NTN1: variants seen among roughly 807,000 people sequenced by gnomAD.
NTN1 encodes netrin 1.
In NTN1, 11 loss-of-function variants were observed where a neutral mutation model predicts 54.2. The ratio of observed to expected loss-of-function variants is 0.20; its 90% CI spans 0.13 to 0.34. The LOEUF (loss-of-function observed/expected upper bound fraction) is 0.34, where lower values mean the gene tolerates loss of function less well. NTN1 is among the 10% of genes least tolerant of loss of function. The pLI is 1.00. For synonymous variants in NTN1, 371 were observed against 382.0 expected (o/e 0.97, Z 0.33); for missense variants, 740 against 893.1 (o/e 0.83, Z 2.18).
chr17:9,026,438 G>T (rs942336329), intron 2 of NTN1, among the ~76,000 whole-genome samples: 3 of 151,526 alleles, frequency 2.0e-5, no homozygotes, highest in Admixed American at 2.0e-4. Flanking sequence ...AAGACAAGAC[G>T]ATGTATAATG....
At chr17:9,193,612 T>C (rs993678102) in intron 5 of NTN1, among the ~76,000 whole-genome samples, 9 of 152,200 alleles carry the variant, frequency 5.9e-5, no homozygotes, top group African/African-American at 2.2e-4. Flanking sequence ...GCTGTTTTGC[T>C]CGCTGGTTTA....
intron 2 of NTN1, among the ~76,000 whole-genome samples, chr17:9,075,835 AC>A (rs2092047623): frequency 6.6e-6 from 1 of 151,854 alleles, no homozygotes; most frequent in African/African-American, 2.4e-5. Flanking sequence ...GGGGGAAAAT[AC>A]CCCGCCTGGA....
At chr17:9,230,010 C>T (rs1363202230) in intron 6 of NTN1, among the ~76,000 whole-genome samples, 1 of 152,036 alleles carries the variant, frequency 6.6e-6, no homozygotes, top group Non-Finnish European at 1.5e-5. Context: ...ACCACTCCCG[C>T]CTCTTGTCTC....
intron 5 of NTN1, among the ~76,000 whole-genome samples, chr17:9,208,345 G>A (rs535139157): frequency 9.8e-5 from 15 of 152,332 alleles, no homozygotes; most frequent in Non-Finnish European, 2.1e-4. Context: ...GCCTGTGTTT[G>A]TGGGTTCGTT....
intron 3 of NTN1, among the ~76,000 whole-genome samples, chr17:9,168,489 G>A (rs995565653): frequency 4.0e-5 from 6 of 151,564 alleles, no homozygotes; most frequent in East Asian, 1.9e-4. Context: ...CCGAGATTGC[G>A]CCATTGCACT....
At chr17:9,034,259 G>A (rs1273954504) in intron 2 of NTN1, among the ~76,000 whole-genome samples, 3 of 152,128 alleles carry the variant, frequency 2.0e-5, no homozygotes, top group African/African-American at 7.2e-5. Flanking sequence ...GAGGGGTACA[G>A]GAAGGAGACC....
intron 2 of NTN1, among the ~76,000 whole-genome samples, chr17:9,123,963 GT>G (rs553519075): frequency 6.6e-6 from 1 of 151,946 alleles, no homozygotes; most frequent in Non-Finnish European, 1.5e-5. Flanking sequence ...TAAGTCACCT[GT>G]TTTTTTTAGA....
intron 5 of NTN1, among the ~76,000 whole-genome samples, chr17:9,218,303 C>T (rs961166358): frequency 6.6e-6 from 1 of 152,166 alleles, no homozygotes; most frequent in African/African-American, 2.4e-5. Flanking sequence ...GTCTCTGTGC[C>T]TTAGATTCTC....
intron 2 of NTN1, among the ~76,000 whole-genome samples, chr17:9,122,702 C>G (rs1329088581): frequency 6.6e-6 from 1 of 152,188 alleles, no homozygotes; most frequent in East Asian, 1.9e-4. Flanking sequence ...GAAGAAAACG[C>G]AAGTAACAGT....
intron 5 of NTN1, among the ~76,000 whole-genome samples, chr17:9,204,274 CTCTT>C (rs751429019): frequency 2.1e-5 from 3 of 140,396 alleles, no homozygotes; most frequent in Non-Finnish European, 4.7e-5. Flanking sequence ...CCTTCTCTCT[CTCTT>C]TCTCTATCTC....
At chr17:9,036,223 A>G (rs1010515901) in intron 2 of NTN1, among the ~76,000 whole-genome samples, 2 of 151,050 alleles carry the variant, frequency 1.3e-5, no homozygotes, top group Non-Finnish European at 3.0e-5. Flanking sequence ...GTACAAATTT[A>G]TATCTGTATA....
chr17:9,155,640 G>A (rs887086873), intron 2 of NTN1, among the ~76,000 whole-genome samples: 7 of 150,920 alleles, frequency 4.6e-5, no homozygotes, highest in African/African-American at 7.3e-5. Context: ...TGCGCCTGGC[G>A]CTCCTGGAGC....
In NTN1 at chr17:9,022,532, G is replaced by A. The variant is rs2151506288; in HGVS notation, c.159G>A (p.Pro53=). The A allele has an allele frequency of 6.4e-7, 1 of 1,550,848 alleles. No homozygotes were observed. The highest frequency in any genetic ancestry group is 8.7e-7 in the Non-Finnish European group (1 of 1,150,902). ...ACGGCCACCCGCGCCGCTGCATCCC[G>A]GACTTTGTCAATGCGGCCTTCGGCA... ...DENGHPRRCI[P]DFVNAAFGKD... The change falls in exon 2 of 7, where the codon CCG becomes CCA. Residue 53 remains proline, a synonymous_variant. Transcript: ENST00000173229.
intron 2 of NTN1, among the ~76,000 whole-genome samples, chr17:9,097,077 C>T (rs1210279358): frequency 6.6e-6 from 1 of 152,200 alleles, no homozygotes; most frequent in East Asian, 1.9e-4. Context: ...CTCTTGCTCC[C>T]AAGCTGTCTA....
At chr17:9,089,169 T>C (rs889442839) in intron 2 of NTN1, among the ~76,000 whole-genome samples, 1 of 152,062 alleles carries the variant, frequency 6.6e-6, no homozygotes, top group African/African-American at 2.4e-5. Context: ...TCCCAGCACT[T>C]TGGGAGGCCG....
At chr17:9,187,669 A>C (rs899309665) in intron 5 of NTN1, among the ~76,000 whole-genome samples, 61 of 151,276 alleles carry the variant, frequency 4.0e-4, no homozygotes, top group Admixed American at 2.6e-3. Context: ...AAAAAAAAAA[A>C]AAAAAAAAAA....
intron 2 of NTN1, among the ~76,000 whole-genome samples, chr17:9,134,948 G>A (rs1349029867): frequency 6.6e-6 from 1 of 152,114 alleles, no homozygotes; most frequent in Non-Finnish European, 1.5e-5. Context: ...AGTCTTGTTT[G>A]GGAGGCCTGT....
At chr17:9,163,104 A>G (rs1234559936) in intron 3 of NTN1, 103 bp downstream of exon 3, 8 of 1,201,318 alleles carry the variant, frequency 6.7e-6, no homozygotes, top group Non-Finnish European at 8.1e-6. Flanking sequence ...GTCTGTACAA[A>G]TTGGCGTTGT....
chr17:9,013,253 G>C, the NTN1 span, among the ~76,000 whole-genome samples: 1 of 101,014 alleles, frequency 9.9e-6, no homozygotes, highest in Non-Finnish European at 1.9e-5. Flanking sequence ...TTTCACTCTT[G>C]TCACCCAGGC....
Sources: gnomAD v4.1 joint callset for allele counts (sites outside exome capture counted in the v4.1 genomes callset) on GRCh38, gnomAD v4.1.1 for gene constraint, MANE v1.5 for transcripts, NCBI Gene and HGNC (gene_info 2026-07-23, HGNC 2026-07-21) for gene names.